KIF1B: variants seen among roughly 807,000 people sequenced by gnomAD.
KIF1B encodes the protein kinesin family member 1B, also known as kinesin-like protein KIF1B.
In KIF1B, 76 loss-of-function variants were observed where a neutral mutation model predicts 241.9. The ratio of observed to expected loss-of-function variants is 0.31; its 90% CI spans 0.26 to 0.38. The LOEUF is 0.38. Ranked by LOEUF, KIF1B falls within the 10% of genes least tolerant of loss-of-function variation. The pLI, the probability that KIF1B is intolerant of heterozygous loss-of-function variation, is 1.00. For missense variants in KIF1B, 1,622 were observed against 2,271.4 expected, an observed-to-expected ratio of 0.71 and a Z score of 5.81; for synonymous variants, 750 against 796.7, an observed-to-expected ratio of 0.94 and a Z score of 0.99.
At chr1:10,278,984 A>G in intron 13 of KIF1B, 113 bp from the exon 14 acceptor site, 2 of 608,802 alleles carry the variant, frequency 3.3e-6, no homozygotes, top group Non-Finnish European at 6.1e-6. Context: ...CCGTATTCTA[A>G]GTATTAACTT....
At chr1:10,345,999 A>C (rs772184212) in intron 35 of KIF1B, 46 bp downstream of exon 35, 1 of 1,234,574 alleles carries the variant, frequency 8.1e-7, no homozygotes, top group South Asian at 1.2e-5. Flanking sequence ...AATGTTTCAA[A>C]TTAGGAAATG....
At chr1:10,233,101 C>T (rs78878600) in intron 2 of KIF1B, among the ~76,000 whole-genome samples, 1 of 152,144 alleles carries the variant, frequency 6.6e-6, no homozygotes, top group Non-Finnish European at 1.5e-5. Context: ...CTTTCAGGCA[C>T]AAGTTACTGC....
At chr1:10,255,154 C>T (rs975053677) in intron 2 of KIF1B, among the ~76,000 whole-genome samples, 2 of 151,674 alleles carry the variant, frequency 1.3e-5, no homozygotes, top group Non-Finnish European at 2.9e-5. Context: ...TCACCATGTT[C>T]GCCAGGCTAG....
At chr1:10,357,506 G>A (rs942186902) in intron 38 of KIF1B, among the ~76,000 whole-genome samples, 1 of 152,160 alleles carries the variant, frequency 6.6e-6, no homozygotes, top group African/African-American at 2.4e-5. Context: ...TACTAAGGTA[G>A]GAAGATCACT....
chr1:10,306,147 C>T (rs754486192), intron 22 of KIF1B: 20 of 1,039,738 alleles, frequency 1.9e-5, no homozygotes, highest in Non-Finnish European at 2.3e-5. Context: ...AAGTTGCTTC[C>T]AATTAATGTT....
Position 10,326,868 on chromosome 1 carries a change from T to C in KIF1B, c.2924+509T>C, listed in dbSNP as rs990916008. 1.3e-5 allele frequency among the ~76,000 whole-genome samples: 2 copies of C among 152,158 alleles called. No individual in the cohort carries two copies. Among genetic ancestry groups the C allele is most frequent in the African/African-American group, 4.8e-5 (2 of 41,430 alleles). On this transcript the variant is annotated intron_variant, in intron 27 of 48. Coordinates refer to ENST00000676179, the MANE Select transcript of KIF1B (RefSeq NM_001365951.3). The surrounding 1 kb of genome is among the most constrained non-coding windows in gnomAD (Gnocchi z 5.2). ...TTCAGGAGTAGAGTTAAATTTATTT[T>C]TTGCTTAGTCTACTGAATCCTAAAA...
intron 44 of KIF1B, among the ~76,000 whole-genome samples, chr1:10,369,012 A>G (rs1638649978): frequency 6.6e-6 from 1 of 152,124 alleles, no homozygotes; most frequent in African/African-American, 2.4e-5. Context: ...TTGCACACCT[A>G]CTATTTCTTT....
intron 32 of KIF1B, among the ~76,000 whole-genome samples, chr1:10,341,131 G>A (rs1291148489): frequency 2.6e-5 from 4 of 152,234 alleles, no homozygotes; most frequent in African/African-American, 7.2e-5. Context: ...TTCGAATTAC[G>A]ATAGGGGAAA....
intron 22 of KIF1B, among the ~76,000 whole-genome samples, chr1:10,313,942 C>T (rs890525054): frequency 1.6e-4 from 23 of 147,376 alleles, no homozygotes; most frequent in Non-Finnish European, 2.7e-4. Context: ...TTGCCCAGGC[C>T]GGAGTGCAGT....
At chr1:10,357,909 T>C (rs989544622) in intron 38 of KIF1B, among the ~76,000 whole-genome samples, 5 of 151,674 alleles carry the variant, frequency 3.3e-5, no homozygotes, top group Non-Finnish European at 4.4e-5. Flanking sequence ...CTTGGGAGGC[T>C]GAGGCAGGAG....
intron 48 of KIF1B, among the ~76,000 whole-genome samples, chr1:10,375,786 GTTTTTTTTTTTTTTTTT>G (rs201620952): frequency 1.4e-5 from 1 of 69,566 alleles, no homozygotes; most frequent in Non-Finnish European, 2.6e-5. Context: ...TTCTTTTCTT[GTTTTTTTTTTTTTTTTT>G]TTTTTTTGAG....
At chr1:10,320,008 C>T (rs977935540) in intron 22 of KIF1B, 35 bp from the exon 23 acceptor site, 3 of 1,400,032 alleles carry the variant, frequency 2.1e-6, no homozygotes, top group African/African-American at 2.8e-5. Context: ...TATTTCTTCC[C>T]TCTCCTACAT....
Position 10,326,481 on chromosome 1 carries a change from A to C in KIF1B, c.2924+122A>C. 7.8e-7 allele frequency: 1 copy of C among 1,286,240 alleles called. No individual in the cohort carries two copies. The highest frequency in any genetic ancestry group is 1.1e-6 in the Non-Finnish European group (1 of 895,918). The allele number at this position is 1,286,240 out of a possible 1,614,324, so 79.7% of individuals were successfully genotyped here. On this transcript the variant is annotated intron_variant, in intron 27 of 48. Transcript: ENST00000676179. The surrounding 1 kb of genome is among the most constrained non-coding windows in gnomAD (Gnocchi z 5.2). ...TTCAACTCATGAATGCTCTTTTTCA[A>C]GTTCTCCAATACTTCAAGCTCTTAG...
chr1:10,353,847 C>T (rs1331334307), intron 38 of KIF1B, among the ~76,000 whole-genome samples: 1 of 152,134 alleles, frequency 6.6e-6, no homozygotes, highest in Non-Finnish European at 1.5e-5. Flanking sequence ...GGTGCTTTGA[C>T]TATCCATGGG....
At position 10,363,370 on chromosome 1, in the gene KIF1B, G is replaced by A. The variant is rs1285621285; in HGVS notation, c.4366+26G>A. Reference sequence around the variant, plus strand: ...GTAAGCTCTTGTGGATTGAGGAGGTGATAGTTATCTTTGTGTATGTTTCAA... The same window carrying A: ...GTAAGCTCTTGTGGATTGAGGAGGTAATAGTTATCTTTGTGTATGTTTCAA... On this transcript the variant is annotated intron_variant, in intron 41 of 48. Coordinates refer to ENST00000676179, the MANE Select transcript of KIF1B (RefSeq NM_001365951.3). 6 of 1,572,000 alleles carry A rather than the reference G, an allele frequency of 3.8e-6. No homozygotes were observed. The African/African-American group carries it at 6.8e-5, about 18-fold the overall frequency.
intron 18 of KIF1B, 84 bp downstream of exon 18, chr1:10,295,249 A>G: frequency 3.5e-6 from 3 of 846,572 alleles, no homozygotes; most frequent in Non-Finnish European, 6.1e-6. Flanking sequence ...GGTTGAAAAA[A>G]TTAACGTAAT....
At position 10,337,632 on chromosome 1, in the gene KIF1B, C is replaced by G; in HGVS notation, c.3422+99C>G. The G allele has an allele frequency of 1.5e-5, 20 of 1,314,510 alleles. No individual in the cohort carries two copies. The highest frequency in any genetic ancestry group is 2.2e-5 in the Non-Finnish European group (20 of 915,626). 81.4% of individuals were successfully genotyped at this position (1,314,510 alleles called of 1,614,324 possible). Reference sequence around the variant, plus strand: ...TTTACATGTGTGAGGGATTAACACTCTTGAGACAAAGACTGATCAGTCTCT... The same window carrying G: ...TTTACATGTGTGAGGGATTAACACTGTTGAGACAAAGACTGATCAGTCTCT... On this transcript the variant is annotated intron_variant, in intron 31 of 48. Transcript: ENST00000676179. The surrounding 1 kb of genome is among the most constrained non-coding windows in gnomAD (Gnocchi z 4.0).
Position 10,334,642 on chromosome 1 carries a change from G to A in KIF1B, c.3043+4G>A, listed in dbSNP as rs1331772399. ...GTGGCTGTACAGGCCATCGCAGGTAGGTGACCCTCTTCTGAAATGAGAGCT... is the reference window on the plus strand; with the variant it reads ...GTGGCTGTACAGGCCATCGCAGGTAAGTGACCCTCTTCTGAAATGAGAGCT... On this transcript the variant is annotated splice_donor_region_variant and intron_variant, in intron 28 of 48. Transcript: ENST00000676179. 1.2e-6 allele frequency: 2 copies of A among 1,606,694 alleles called. No individual in the cohort carries two copies. The highest frequency in any genetic ancestry group is 1.7e-6 in the Non-Finnish European group (2 of 1,173,512).
At chr1:10,247,332 T>G (rs966222864) in intron 2 of KIF1B, among the ~76,000 whole-genome samples, 3 of 152,364 alleles carry the variant, frequency 2.0e-5, no homozygotes, top group African/African-American at 4.8e-5. Context: ...TGCTCAGATA[T>G]CTCCTCAGAG....
Sources: gnomAD v4.1 joint callset for allele counts (sites outside exome capture counted in the v4.1 genomes callset) on GRCh38, gnomAD v4.1.1 for gene constraint, Gnocchi (gnomAD v3.1) non-coding constraint, MANE v1.5 for transcripts, NCBI Gene and HGNC (gene_info 2026-07-23, HGNC 2026-07-21) for gene names.